Variants in PCDH15 observed in about 807,000 individuals in gnomAD.
PCDH15 encodes the protein protocadherin related 15.
In PCDH15, 129 loss-of-function variants were observed where a neutral mutation model predicts 178.5. That is an observed-to-expected ratio of 0.72 (90% CI 0.63 to 0.84). The LOEUF is 0.84. Ranked by LOEUF, PCDH15 falls within the 40% of genes least tolerant of loss-of-function variation. The pLI is 0.00. For missense variants in PCDH15, 2,230 were observed against 2,099.9 expected, an observed-to-expected ratio of 1.06 and a Z score of -1.21; for synonymous variants, 800 against 732.0, an observed-to-expected ratio of 1.09 and a Z score of -1.50.
intron 2 of PCDH15, among the ~76,000 whole-genome samples, chr10:55,587,459 G>A (rs796478373): frequency 6.6e-6 from 1 of 152,022 alleles, no homozygotes; most frequent in Non-Finnish European, 1.5e-5. Context: ...CCTTCTATGA[G>A]TGTTTCCATT....
intron 8 of PCDH15, among the ~76,000 whole-genome samples, chr10:54,296,697 C>T (rs1039550036): frequency 1.3e-5 from 2 of 152,132 alleles, no homozygotes; most frequent in East Asian, 1.9e-4. Context: ...AATTTTAGGA[C>T]CCCTCCTCAG....
intron 10 of PCDH15, among the ~76,000 whole-genome samples, chr10:54,197,329 A>G (rs1416605159): frequency 6.6e-6 from 1 of 151,962 alleles, no homozygotes; most frequent in African/African-American, 2.4e-5. Flanking sequence ...TAAAAAATAT[A>G]TATTTTATTA....
At chr10:54,441,086 A>G (rs2075765199) in intron 3 of PCDH15, among the ~76,000 whole-genome samples, 1 of 151,852 alleles carries the variant, frequency 6.6e-6, no homozygotes, top group African/African-American at 2.4e-5. Context: ...ACAATACACA[A>G]TCGCCTGATC....
In PCDH15 at chr10:54,710,672, T is replaced by C. The variant is rs535680035; in HGVS notation, c.-28-46382A>G. ...AGAACAGAAATGTTTTCCTAATTGCTGTTGCAAGAAATACTTCATCTAGAA... is the reference window on the plus strand; with the variant it reads ...AGAACAGAAATGTTTTCCTAATTGCCGTTGCAAGAAATACTTCATCTAGAA... On this transcript the variant is annotated intron_variant, in intron 1 of 37. Transcript: ENST00000644397. Among the ~76,000 whole-genome samples, 5 of 152,120 alleles carry C rather than the reference T, an allele frequency of 3.3e-5. No individual in the cohort carries two copies. In the South Asian group the frequency reaches 8.3e-4, roughly 25 times the overall value.
chr10:54,508,735 T>C (rs1402074322), intron 3 of PCDH15, among the ~76,000 whole-genome samples: 1 of 152,068 alleles, frequency 6.6e-6, no homozygotes, highest in Non-Finnish European at 1.5e-5. Flanking sequence ...CGCCGGATGA[T>C]GGAGATGCTA....
chr10:55,072,370 A>G (rs76305150), intron 2 of PCDH15, among the ~76,000 whole-genome samples: 10,238 of 152,242 alleles, frequency 0.067, 458 homozygotes, highest in African/African-American at 0.11. Flanking sequence ...TAAAGAAAAA[A>G]TGAGAGAAGA....
At chr10:54,502,151 C>A (rs947885056) in intron 3 of PCDH15, among the ~76,000 whole-genome samples, 1 of 151,980 alleles carries the variant, frequency 6.6e-6, no homozygotes, top group Non-Finnish European at 1.5e-5. Flanking sequence ...TTTGGTCAAG[C>A]AGATATGTTG....
At chr10:54,921,407 T>C (rs965196385) in intron 2 of PCDH15, among the ~76,000 whole-genome samples, 1 of 152,170 alleles carries the variant, frequency 6.6e-6, no homozygotes, top group Non-Finnish European at 1.5e-5. Flanking sequence ...AAGGGTTTGT[T>C]GTACAGATTA....
At chr10:55,351,284 ACAATT>A (rs1844925802) in intron 2 of PCDH15, among the ~76,000 whole-genome samples, 1 of 151,832 alleles carries the variant, frequency 6.6e-6, no homozygotes, top group South Asian at 2.1e-4. Flanking sequence ...CCTTTCAATG[ACAATT>A]TTTCTATTTG....
intron 2 of PCDH15, among the ~76,000 whole-genome samples, chr10:55,445,493 G>A (rs1485773603): frequency 2.0e-5 from 3 of 152,056 alleles, no homozygotes; most frequent in African/African-American, 7.2e-5. Flanking sequence ...AATATTAATA[G>A]TAGTAATTAT....
intron 3 of PCDH15, among the ~76,000 whole-genome samples, chr10:54,881,724 C>A (rs1289396112): frequency 2.6e-5 from 4 of 152,084 alleles, no homozygotes; most frequent in African/African-American, 9.7e-5. Context: ...GGCTCTACCT[C>A]AATTTTTAAA....
chr10:54,570,821 T>TA (rs2089721573), intron 2 of PCDH15, among the ~76,000 whole-genome samples: 1 of 149,900 alleles, frequency 6.7e-6, no homozygotes, highest in Admixed American at 6.7e-5. Flanking sequence ...CTGGCTATTT[T>TA]TTTTTTTCTT....
intron 2 of PCDH15, among the ~76,000 whole-genome samples, chr10:54,613,346 A>G (rs894192655): frequency 6.6e-6 from 1 of 151,942 alleles, no homozygotes; most frequent in African/African-American, 2.4e-5. Context: ...ATTGTTCAGG[A>G]AGTTCAATAA....
chr10:54,419,341 A>G (rs1238995765), intron 3 of PCDH15, among the ~76,000 whole-genome samples: 6 of 149,680 alleles, frequency 4.0e-5, no homozygotes, highest in Non-Finnish European at 8.9e-5. Context: ...AAATTTATCT[A>G]AAATTCTTCT....
chr10:55,583,423 C>CTTATTTAT (rs566772115), intron 2 of PCDH15, among the ~76,000 whole-genome samples: 6 of 151,852 alleles, frequency 4.0e-5, no homozygotes, highest in African/African-American at 1.5e-4. Flanking sequence ...TTAACACTAT[C>CTTATTTAT]TTATTTATTT....
At chr10:54,453,088 T>A (rs2076583681) in intron 3 of PCDH15, among the ~76,000 whole-genome samples, 2 of 151,998 alleles carry the variant, frequency 1.3e-5, no homozygotes, top group Admixed American at 1.3e-4. Context: ...GTTGTGGAGG[T>A]CAGTGTGGCG....
chr10:54,236,899 T>A lies in PCDH15; in HGVS notation c.909A>T (p.Pro303=). 6.2e-7 allele frequency: 1 copy of A among 1,613,710 alleles called. No individual in the cohort carries two copies. The highest frequency in any genetic ancestry group is 2.2e-5 in the East Asian group (1 of 44,828). ...TCCGGTCCTGATCAATGGCTTGGATTGGTGGCGTAACAATAATGGGGTTCA... is the reference window on the plus strand; with the variant it reads ...TCCGGTCCTGATCAATGGCTTGGATAGGTGGCGTAACAATAATGGGGTTCA... The part of the protein sequence containing the change: ...EELNPIIVTP[P]IQAIDQDRNI... The change falls in exon 9 of 38, where the codon CCA becomes CCT. Residue 303 remains proline (P), a synonymous_variant. Coordinates refer to ENST00000644397, the MANE Select transcript of PCDH15 (RefSeq NM_001384140.1).
intron 3 of PCDH15, among the ~76,000 whole-genome samples, chr10:54,471,370 C>A (rs7069169): frequency 0.018 from 2,712 of 152,012 alleles, 68 homozygotes; most frequent in African/African-American, 0.063. Flanking sequence ...TAACAGTCAG[C>A]TGTATTTTTT....
intron 1 of PCDH15, among the ~76,000 whole-genome samples, chr10:54,752,533 A>G (rs573305824): frequency 6.7e-6 from 1 of 148,508 alleles, no homozygotes; most frequent in Non-Finnish European, 1.5e-5. Context: ...AACAAACAAA[A>G]AAAAACAATA....
Sources: allele counts gnomAD v4.1 joint callset (sites outside exome capture counted in the v4.1 genomes callset), GRCh38; gene constraint gnomAD v4.1.1; transcripts MANE v1.5; gene names NCBI Gene and HGNC (gene_info 2026-07-23, HGNC 2026-07-21).